Variants in UNC13C observed in about 807,000 individuals in gnomAD.
UNC13C encodes unc-13 homolog C.
In UNC13C, 174 loss-of-function variants were observed where a neutral mutation model predicts 245.4. The ratio of observed to expected loss-of-function variants is 0.71; its 90% CI spans 0.63 to 0.80. The LOEUF is 0.80. UNC13C is among the 30% of genes least tolerant of loss of function. The pLI is 0.00. For synonymous variants in UNC13C, 992 were observed against 895.1 expected (o/e 1.11, Z -1.93); for missense variants, 2,829 against 2,602.9 (o/e 1.09, Z -1.89).
At chr15:54,372,677 A>T (rs2039515241) in intron 17 of UNC13C, among the ~76,000 whole-genome samples, 1 of 152,176 alleles carries the variant, frequency 6.6e-6, no homozygotes, top group African/African-American at 2.4e-5. Context: ...TTTGGTATTC[A>T]TTCAGGCTTC....
intron 2 of UNC13C, among the ~76,000 whole-genome samples, chr15:54,074,270 G>T (rs1898481037): frequency 6.6e-6 from 1 of 151,990 alleles, no homozygotes; most frequent in Admixed American, 6.6e-5. Context: ...ATGCTGTTTT[G>T]GTTACTGTAG....
At chr15:54,299,229 G>A (rs1435214005) in intron 12 of UNC13C, among the ~76,000 whole-genome samples, 1 of 152,130 alleles carries the variant, frequency 6.6e-6, no homozygotes, top group Admixed American at 6.5e-5. Flanking sequence ...AGAAAGAACT[G>A]AAATCTAAGA....
intron 30 of UNC13C, among the ~76,000 whole-genome samples, chr15:54,576,197 C>T (rs1218076934): frequency 1.3e-5 from 2 of 152,186 alleles, no homozygotes; most frequent in Non-Finnish European, 2.9e-5. Context: ...AGATTTTACT[C>T]ACAAATAGAT....
rs981864001 is a variant in UNC13C, at chr15:54,050,456, T to G, written c.2983+34570T>G. 1.1e-5 allele frequency: 6 copies of G among 553,068 alleles called. No homozygotes were observed. The African/African-American group carries it at 1.1e-4, about 11-fold the overall frequency. 34.3% of individuals were successfully genotyped at this position (553,068 alleles called of 1,614,324 possible). The stretch of plus-strand genomic sequence containing the variant: ...CTGACCTGGGCTTGCTGAGCTAAAG[T>G]TGATCTAAGCATCCAAGTCTTTGAC... On this transcript the variant is annotated intron_variant, in intron 2 of 32. Coordinates refer to ENST00000260323, the MANE Select transcript of UNC13C (RefSeq NM_001080534.3).
intron 19 of UNC13C, among the ~76,000 whole-genome samples, chr15:54,474,311 T>C (rs113934534): frequency 4.3e-4 from 65 of 152,106 alleles, no homozygotes; most frequent in African/African-American, 1.5e-3. Context: ...AAGAGTTCTT[T>C]TTTCTCTGCG....
chr15:54,251,717 G>A (rs1052911666), intron 8 of UNC13C, among the ~76,000 whole-genome samples: 1 of 151,950 alleles, frequency 6.6e-6, no homozygotes, highest in Non-Finnish European at 1.5e-5. Context: ...TCTAAATATT[G>A]TGCCCTCTGT....
chr15:54,061,725 C>T (rs928265818), intron 2 of UNC13C, among the ~76,000 whole-genome samples: 9 of 152,240 alleles, frequency 5.9e-5, no homozygotes, highest in Admixed American at 4.6e-4. Flanking sequence ...AAAACCTTTT[C>T]GTGAGCAGTG....
chr15:53,987,813 G>C (rs896797443), intron 1 of UNC13C, among the ~76,000 whole-genome samples: 9 of 152,160 alleles, frequency 5.9e-5, no homozygotes, highest in East Asian at 1.9e-4. Context: ...TCTGAAGGAT[G>C]TCTCTGTTCT....
the UNC13C span, among the ~76,000 whole-genome samples, chr15:53,941,584 CA>C: frequency 2.8e-4 from 42 of 151,662 alleles, no homozygotes; most frequent in African/African-American, 9.4e-4. Context: ...AAGGAACTTA[CA>C]AAAAATTACA....
At chr15:54,188,630 A>G (rs990955931) in intron 4 of UNC13C, among the ~76,000 whole-genome samples, 4 of 152,200 alleles carry the variant, frequency 2.6e-5, no homozygotes, top group Non-Finnish European at 2.9e-5. Context: ...CTTAATAAGT[A>G]CACTATTGCC....
chr15:54,459,747 C>T (rs1231257258), intron 19 of UNC13C, among the ~76,000 whole-genome samples: 1 of 151,816 alleles, frequency 6.6e-6, no homozygotes, highest in Non-Finnish European at 1.5e-5. Context: ...AGAAGTTGTG[C>T]TCGTCTTTTC....
In UNC13C at chr15:54,136,644, T is replaced by G. The variant is rs554647970; in HGVS notation, c.2984-6374T>G. 2.6e-5 allele frequency among the ~76,000 whole-genome samples: 4 copies of G among 152,260 alleles called. No individual in the cohort carries two copies. In the South Asian group the frequency reaches 8.3e-4, roughly 32 times the overall value. On this transcript the variant is annotated intron_variant, in intron 2 of 32. Transcript: ENST00000260323. Reference sequence around the variant, plus strand: ...GTTTCTGATCTTAGGGGAAAATCTTTCAGCTTTTCACTGTCGAGTATGATG... The same window carrying G: ...GTTTCTGATCTTAGGGGAAAATCTTGCAGCTTTTCACTGTCGAGTATGATG...
chr15:54,440,403 G>A (rs1419794082), intron 19 of UNC13C, among the ~76,000 whole-genome samples: 3 of 151,942 alleles, frequency 2.0e-5, no homozygotes, highest in Non-Finnish European at 4.4e-5. Context: ...ATGAGAACAG[G>A]CAGTACTGTC....
At chr15:53,994,202 T>A (rs1024435367) in intron 1 of UNC13C, among the ~76,000 whole-genome samples, 1 of 151,646 alleles carries the variant, frequency 6.6e-6, no homozygotes, top group African/African-American at 2.4e-5. Flanking sequence ...AATATCAAAT[T>A]TTTAAAGAAC....
At chr15:54,495,601 G>T (rs1356017545) in intron 20 of UNC13C, among the ~76,000 whole-genome samples, 1 of 151,900 alleles carries the variant, frequency 6.6e-6, no homozygotes, top group African/African-American at 2.4e-5. Flanking sequence ...ATGGAGGTAA[G>T]AATATATGAG....
intron 19 of UNC13C, among the ~76,000 whole-genome samples, chr15:54,437,339 T>C (rs1465771172): frequency 6.6e-6 from 1 of 151,976 alleles, no homozygotes; most frequent in African/African-American, 2.4e-5. Context: ...AATATTGTTG[T>C]TACATCTATT....
rs1487522150 is a variant in UNC13C at position 54,038,122 on chromosome 15, ATATT to A, written c.2983+22238_2983+22241del. ...TACATATATATATATATATATATAT[ATATT>A]TTTTTTTTTTTTTTCCTGAGACAGA... On this transcript the variant is annotated intron_variant, in intron 2 of 32. Coordinates refer to ENST00000260323, the MANE Select transcript of UNC13C (RefSeq NM_001080534.3). Among the ~76,000 whole-genome samples the A allele has an allele frequency of 9.3e-3, 465 of 50,218 alleles. 3 individuals carry two copies. Among genetic ancestry groups the A allele is most frequent in the Admixed American group, 0.02 (51 of 2,504 alleles). 32.9% of individuals were successfully genotyped at this position (50,218 alleles called of 152,430 possible).
At chr15:54,515,752 T>C (rs945861837) in intron 24 of UNC13C, among the ~76,000 whole-genome samples, 1 of 152,160 alleles carries the variant, frequency 6.6e-6, no homozygotes, top group Non-Finnish European at 1.5e-5. Context: ...TATTAAGACA[T>C]TCAGGGAAAA....
At chr15:54,419,585 G>A (rs1314250246) in intron 19 of UNC13C, among the ~76,000 whole-genome samples, 1 of 152,050 alleles carries the variant, frequency 6.6e-6, no homozygotes, top group Admixed American at 6.6e-5. Flanking sequence ...TTAGTAGATG[G>A]TCACTATATA....
Sources: allele counts gnomAD v4.1 joint callset (sites outside exome capture counted in the v4.1 genomes callset), GRCh38; gene constraint gnomAD v4.1.1; transcripts MANE v1.5; gene names NCBI Gene and HGNC (gene_info 2026-07-23, HGNC 2026-07-21).